Variants in TBC1D4 observed in about 807,000 individuals in gnomAD.
TBC1D4 encodes TBC1 domain family member 4, also known as TBC (Tre-2, BUB2, CDC16) domain-containing protein.
A neutral mutation model predicts 142.5 loss-of-function variants in TBC1D4; 121 were observed. The observed-to-expected ratio is 0.85, with a 90% confidence interval of 0.73 to 0.99. TBC1D4 has a LOEUF of 0.99. Ranked by LOEUF, TBC1D4 falls within the 50% of genes least tolerant of loss-of-function variation. The pLI, the probability that TBC1D4 is intolerant of heterozygous loss-of-function variation, is 0.00. For synonymous variants in TBC1D4, 630 were observed against 628.2 expected (o/e 1.00, Z -0.04); for missense variants, 1,475 against 1,606.6 (o/e 0.92, Z 1.40).
intron 1 of TBC1D4, among the ~76,000 whole-genome samples, chr13:75,399,791 G>A (rs1376441281): frequency 1.3e-5 from 2 of 152,176 alleles, no homozygotes; most frequent in African/African-American, 4.8e-5. Context: ...AAAGAATGTA[G>A]CAGAACTAAT....
At chr13:75,407,174 C>T (rs545989837) in intron 1 of TBC1D4, among the ~76,000 whole-genome samples, 3 of 152,314 alleles carry the variant, frequency 2.0e-5, no homozygotes, top group African/African-American at 7.2e-5. Flanking sequence ...GGTAGCCATT[C>T]ATCTCCTGCA....
At chr13:75,464,634 A>T (rs1888097647) in intron 1 of TBC1D4, among the ~76,000 whole-genome samples, 1 of 152,136 alleles carries the variant, frequency 6.6e-6, no homozygotes, top group Non-Finnish European at 1.5e-5. Context: ...TAATTCCTCT[A>T]GCACCACTGG....
intron 4 of TBC1D4, among the ~76,000 whole-genome samples, chr13:75,353,642 G>C (rs1211939745): frequency 1.3e-5 from 2 of 152,178 alleles, no homozygotes; most frequent in Non-Finnish European, 2.9e-5. Context: ...GGTCAAGAAA[G>C]GCTTCGGTAG....
intron 1 of TBC1D4, among the ~76,000 whole-genome samples, chr13:75,470,803 T>C (rs1375276991): frequency 3.3e-5 from 5 of 152,096 alleles, no homozygotes; most frequent in African/African-American, 7.2e-5. Context: ...CTGGCCAACA[T>C]AGTGAAACCT....
At chr13:75,458,647 G>A (rs1233226791) in intron 1 of TBC1D4, among the ~76,000 whole-genome samples, 1 of 152,120 alleles carries the variant, frequency 6.6e-6, no homozygotes, top group Non-Finnish European at 1.5e-5. Context: ...TCTATTTAAT[G>A]TATACCCCTT....
intron 1 of TBC1D4, among the ~76,000 whole-genome samples, chr13:75,430,854 G>A (rs1886568473): frequency 6.6e-6 from 1 of 152,126 alleles, no homozygotes; most frequent in South Asian, 2.1e-4. Context: ...CCATCCCTGA[G>A]TGTGTCTGCT....
chr13:75,338,786 T>G (rs1880430839), intron 7 of TBC1D4, among the ~76,000 whole-genome samples: 2 of 152,250 alleles, frequency 1.3e-5, no homozygotes, highest in Admixed American at 6.5e-5. Flanking sequence ...AATTGAATTC[T>G]TATTTTTTAT....
At position 75,362,178 on chromosome 13, in the gene TBC1D4, G is replaced by A; in HGVS notation, c.928C>T (p.Gln310Ter). 2 of 1,613,630 alleles carry A rather than the reference G, an allele frequency of 1.2e-6. No homozygotes were observed. Among genetic ancestry groups the A allele is most frequent in the Non-Finnish European group, 1.7e-6 (2 of 1,180,024 alleles). ...ILEDSGFDEQQEFRSRCSSVT... is the reference protein window; with the variant it reads ...ILEDSGFDEQ ...CTGCTGCACCGAGACCGAAACTCCT[G>A]CTGCTCATCAAAGCCAGAATCTTCC... Residue 310 changes from glutamine (Q) to a stop codon, truncating the protein, a stop_gained, in exon 2 of 21, where the codon CAG (glutamine) becomes TAG (stop). Coordinates refer to ENST00000377636, the MANE Select transcript of TBC1D4 (RefSeq NM_014832.5). LOFTEE classifies it high-confidence loss of function. The surrounding 1 kb of genome is among the most constrained non-coding windows in gnomAD (Gnocchi z 4.2).
chr13:75,386,730 A>AT (rs951988463), intron 1 of TBC1D4, among the ~76,000 whole-genome samples: 6 of 152,184 alleles, frequency 3.9e-5, no homozygotes, highest in Non-Finnish European at 7.3e-5. Context: ...ACAAGTACAA[A>AT]TAAAAAAAAC....
intron 13 of TBC1D4, among the ~76,000 whole-genome samples, chr13:75,311,424 T>C (rs1877739713): frequency 6.6e-6 from 1 of 152,152 alleles, no homozygotes; most frequent in Admixed American, 6.5e-5. Flanking sequence ...TATTTTCTTC[T>C]TTTTTTATAT....
intron 1 of TBC1D4, among the ~76,000 whole-genome samples, chr13:75,431,447 C>T (rs781117992): frequency 6.6e-6 from 1 of 152,168 alleles, no homozygotes; most frequent in Non-Finnish European, 1.5e-5. Context: ...AACTGTCACA[C>T]AAAAGCTTAT....
At chr13:75,346,981 T>C (rs1307923994) in intron 5 of TBC1D4, among the ~76,000 whole-genome samples, 1 of 152,220 alleles carries the variant, frequency 6.6e-6, no homozygotes, top group Admixed American at 6.5e-5. Context: ...CAATTTTCCA[T>C]TATTTACAAG....
In TBC1D4 at chr13:75,349,199, G is replaced by A; in HGVS notation, c.1379C>T (p.Ser460Phe). The change falls in exon 5 of 21, where the codon TCT (serine) becomes TTT (phenylalanine). Residue 460 changes from serine to phenylalanine, a missense_variant. Physicochemically the swap from Ser to Phe is radical, Grantham distance 155. Around this residue, in one of 2 missense-constraint regions of TBC1D4, gnomAD observed 1,227 missense variants for 1,267.7 expected, o/e 0.97. Transcript: ENST00000377636. ...IKLCEACPMH[S>F]LHKLCERIEG... ...AATCCTTTCACAGAGCTTATGCAAA[G>A]AGTGCATCGGGCAGGCCTCACACAG... is the stretch of plus-strand genomic sequence containing the variant. The A allele has an allele frequency of 6.2e-7, 1 of 1,614,040 alleles. No homozygotes were observed. Among genetic ancestry groups the A allele is most frequent in the Non-Finnish European group, 8.5e-7 (1 of 1,179,956 alleles).
At chr13:75,411,694 T>A (rs1885673053) in intron 1 of TBC1D4, among the ~76,000 whole-genome samples, 1 of 150,686 alleles carries the variant, frequency 6.6e-6, no homozygotes, top group East Asian at 1.9e-4. Flanking sequence ...TGGCTAATTT[T>A]TTATTTTTTT....
chr13:75,340,365 A>G (rs139943029), intron 7 of TBC1D4, among the ~76,000 whole-genome samples: 5 of 152,338 alleles, frequency 3.3e-5, no homozygotes, highest in African/African-American at 1.2e-4. Flanking sequence ...GCAGAGGATA[A>G]ATTCTAGACC....
At chr13:75,353,542 T>C (rs1296290063) in intron 4 of TBC1D4, among the ~76,000 whole-genome samples, 7 of 152,058 alleles carry the variant, frequency 4.6e-5, no homozygotes, top group Admixed American at 2.0e-4. Flanking sequence ...AGTGTGGGGA[T>C]TGGCAAGAAC....
rs17064478 is a variant in TBC1D4, at chr13:75,451,091, C to A, written c.498+30179G>T. On this transcript the variant is annotated intron_variant, in intron 1 of 20. Coordinates refer to ENST00000377636, the MANE Select transcript of TBC1D4 (RefSeq NM_014832.5). ...CTGCAAAATTGATCTATTACCATTT[C>A]TTTACCGTATTTGCATTGCAGTGCG... 1.8e-3 allele frequency among the ~76,000 whole-genome samples: 274 copies of A among 152,256 alleles called. 2 individuals carry two copies. The South Asian group carries it at 0.019, about 11-fold the overall frequency.
rs536211684 is a variant in TBC1D4 at position 75,324,418 on chromosome 13, C to T, written c.2034-17G>A. On this transcript the variant is annotated splice_polypyrimidine_tract_variant and intron_variant, in intron 10 of 20. Transcript: ENST00000377636. ...GAAAGATTGCTGAGTACAGAAAATACAGCAAATATGTCTTAATTTATATTT... is the reference window on the plus strand; with the variant it reads ...GAAAGATTGCTGAGTACAGAAAATATAGCAAATATGTCTTAATTTATATTT... 3.3e-5 allele frequency: 54 copies of T among 1,613,252 alleles called. No homozygotes were observed. The highest frequency in any genetic ancestry group is 4.5e-5 in the Non-Finnish European group (53 of 1,179,522).
chr13:75,408,538 T>C (rs1447090966), intron 1 of TBC1D4, among the ~76,000 whole-genome samples: 2 of 152,196 alleles, frequency 1.3e-5, no homozygotes, highest in Non-Finnish European at 2.9e-5. Context: ...TAGTGTCATG[T>C]ATGAGTTTTT....
Sources: gnomAD v4.1 joint callset for allele counts (sites outside exome capture counted in the v4.1 genomes callset) on GRCh38, gnomAD v4.1.1 for gene constraint, gnomAD v4.1.1 regional missense constraint, Gnocchi (gnomAD v3.1) non-coding constraint, MANE v1.5 for transcripts, NCBI Gene and HGNC (gene_info 2026-07-23, HGNC 2026-07-21) for gene names.